NBEA: variants seen among roughly 807,000 people sequenced by gnomAD.
NBEA encodes the protein lysosomal-trafficking regulator 2.
NBEA carries 44 observed loss-of-function variants against 343.4 expected under a neutral mutation model. The ratio of observed to expected loss-of-function variants is 0.13; its 90% CI spans 0.10 to 0.16. The LOEUF (loss-of-function observed/expected upper bound fraction) is 0.16. NBEA is among the 10% of genes least tolerant of loss of function. The pLI is 1.00. For missense variants in NBEA, 2,555 were observed against 3,631.3 expected, an observed-to-expected ratio of 0.70 and a Z score of 7.62; for synonymous variants, 1,175 against 1,238.7, an observed-to-expected ratio of 0.95 and a Z score of 1.08.
At chr13:35,269,429 AC>A (rs1391958486) in intron 34 of NBEA, among the ~76,000 whole-genome samples, 1 of 152,170 alleles carries the variant, frequency 6.6e-6, no homozygotes, top group Admixed American at 6.5e-5. Context: ...TTAACATTTT[AC>A]TGAATATTCT....
intron 48 of NBEA, among the ~76,000 whole-genome samples, chr13:35,615,696 T>G (rs1430450064): frequency 6.6e-6 from 1 of 152,062 alleles, no homozygotes; most frequent in African/African-American, 2.4e-5. Context: ...AAGGTGTCAG[T>G]GTTCTTATTC....
chr13:35,232,369 GTTA>G (rs2075024212), intron 33 of NBEA, 120 bp from the exon 34 acceptor site: 4 of 675,070 alleles, frequency 5.9e-6, no homozygotes, highest in Non-Finnish European at 4.8e-6. Context: ...CATGAAGCTT[GTTA>G]TTATTCCATG....
At chr13:35,622,977 A>T (rs1452338487) in intron 48 of NBEA, among the ~76,000 whole-genome samples, 1 of 152,140 alleles carries the variant, frequency 6.6e-6, no homozygotes, top group African/African-American at 2.4e-5. Context: ...AATGAGGGAA[A>T]TATTATCCAT....
chr13:35,299,366 G>A (rs1034069261), intron 35 of NBEA, among the ~76,000 whole-genome samples: 1 of 152,080 alleles, frequency 6.6e-6, no homozygotes, highest in Non-Finnish European at 1.5e-5. Context: ...ACATAGATGG[G>A]GAGAAACTGA....
intron 8 of NBEA, among the ~76,000 whole-genome samples, chr13:35,063,136 A>G (rs2063523594): frequency 6.6e-6 from 1 of 152,038 alleles, no homozygotes; most frequent in Non-Finnish European, 1.5e-5. Flanking sequence ...AATCAGTGCT[A>G]GCTACTACAG....
At chr13:34,954,015 A>AC (rs2059420958) in intron 1 of NBEA, among the ~76,000 whole-genome samples, 1 of 151,730 alleles carries the variant, frequency 6.6e-6, no homozygotes, top group African/African-American at 2.4e-5. Flanking sequence ...TTCCCCCTGA[A>AC]CCCCCCTATT....
At chr13:35,277,325 T>C (rs906838182) in intron 34 of NBEA, among the ~76,000 whole-genome samples, 9 of 151,984 alleles carry the variant, frequency 5.9e-5, no homozygotes, top group African/African-American at 2.4e-5. Context: ...TCATGACTTA[T>C]TAAAAATCAC....
At chr13:35,649,621 T>TA in intron 51 of NBEA, 34 bp from the exon 52 acceptor site, 1 of 1,550,680 alleles carries the variant, frequency 6.4e-7, no homozygotes, top group African/African-American at 1.4e-5. Context: ...ATTCCTTTTG[T>TA]CTTCCTCTGT....
chr13:35,310,122 GT>G (rs1425216518), intron 36 of NBEA, among the ~76,000 whole-genome samples: 1 of 151,776 alleles, frequency 6.6e-6, no homozygotes, highest in Non-Finnish European at 1.5e-5. Context: ...TAAAATCGCA[GT>G]GCCAAAAATA....
chr13:35,183,990 T>G lies in NBEA; in HGVS notation c.4846T>G (p.Ser1616Ala). Residue 1616 changes from serine to alanine, a missense_variant, in exon 30 of 59, where the codon TCT (serine) becomes GCT (alanine). Around this residue, in one of 21 missense-constraint regions of NBEA, gnomAD observed 270 missense variants for 293.3 expected, o/e 0.92. Transcript: ENST00000379939. The part of the protein sequence containing the change: ...SPTSTVVVIP[S>A]IPHPSLNHGF... Reference sequence around the variant, plus strand: ...TTTCTCCACAGTTGTGGTCATACCATCTATCCCTCATCCAAGTTTGAACCA... The same window carrying G: ...TTTCTCCACAGTTGTGGTCATACCAGCTATCCCTCATCCAAGTTTGAACCA... 1 of 1,611,182 alleles carries G rather than the reference T, an allele frequency of 6.2e-7. No homozygotes were observed. The highest frequency in any genetic ancestry group is 8.5e-7 in the Non-Finnish European group (1 of 1,178,134).
intron 1 of NBEA, among the ~76,000 whole-genome samples, chr13:35,008,387 C>G (rs963640006): frequency 6.6e-6 from 1 of 152,098 alleles, no homozygotes; most frequent in African/African-American, 2.4e-5. Flanking sequence ...CTCCCATATC[C>G]TTTAAATAAT....
At chr13:35,021,007 C>T (rs2061819551) in intron 1 of NBEA, among the ~76,000 whole-genome samples, 1 of 152,128 alleles carries the variant, frequency 6.6e-6, no homozygotes, top group African/African-American at 2.4e-5. Flanking sequence ...ATTGCTGTGC[C>T]TTCTTGATGA....
At chr13:34,959,521 A>G (rs959402997) in intron 1 of NBEA, among the ~76,000 whole-genome samples, 1 of 152,050 alleles carries the variant, frequency 6.6e-6, no homozygotes, top group Admixed American at 6.6e-5. Flanking sequence ...ACAGTTTCTC[A>G]TCCAGGCCTT....
intron 1 of NBEA, among the ~76,000 whole-genome samples, chr13:35,004,831 G>A (rs1344194848): frequency 1.3e-5 from 2 of 152,116 alleles, no homozygotes; most frequent in African/African-American, 2.4e-5. Flanking sequence ...TTTAAGCATC[G>A]AAAAGGATAT....
rs113232817 is a variant in NBEA, at chr13:35,058,582, A to G, written c.1093-135A>G. On this transcript the variant is annotated intron_variant, in intron 7 of 58. Coordinates refer to ENST00000379939, the MANE Select transcript of NBEA (RefSeq NM_001385012.1). ...GACTGGCATTTATTATTAAAATAAT[A>G]AAGTCTTAATTGATGCTTTCTTCTA... is the stretch of plus-strand genomic sequence containing the variant. The G allele has an allele frequency of 1.6e-4, 117 of 710,508 alleles. 2 individuals are homozygous for G. The African/African-American group carries it at 1.7e-3, about 10-fold the overall frequency. The allele number at this position is 710,508 out of a possible 1,614,324, so 44.0% of individuals were successfully genotyped here.
chr13:35,050,545 A>T, intron 6 of NBEA, 150 bp downstream of exon 6: 1 of 900,868 alleles, frequency 1.1e-6, no homozygotes, highest in Non-Finnish European at 1.6e-6. Context: ...TTTTACTTTT[A>T]TGTCTAATTT....
chr13:35,225,770 A>G (rs117660184), intron 33 of NBEA, among the ~76,000 whole-genome samples: 4,526 of 152,170 alleles, frequency 0.03, 100 homozygotes, highest in Non-Finnish European at 0.045. Context: ...AAGTTCATGC[A>G]TCCTAAGTCT....
chr13:35,078,908 G>A (rs1045698184), intron 10 of NBEA, among the ~76,000 whole-genome samples: 1 of 152,140 alleles, frequency 6.6e-6, no homozygotes, highest in African/African-American at 2.4e-5. Flanking sequence ...TGTAGTCCCA[G>A]CTACTTGGGA....
chr13:35,347,677 C>G (rs2039963272), intron 36 of NBEA, among the ~76,000 whole-genome samples: 1 of 151,854 alleles, frequency 6.6e-6, no homozygotes, highest in African/African-American at 2.4e-5. Context: ...CCTCCTCTTC[C>G]TCCTCCTCCT....
Sources: allele counts gnomAD v4.1 joint callset (sites outside exome capture counted in the v4.1 genomes callset), GRCh38; gene constraint gnomAD v4.1.1; regional missense constraint gnomAD v4.1.1; transcripts MANE v1.5; gene names NCBI Gene and HGNC (gene_info 2026-07-23, HGNC 2026-07-21).